The following PTPRA variants were observed in gnomAD, a reference collection of about 807,000 sequenced individuals.
PTPRA encodes the protein protein tyrosine phosphatase receptor type A.
Under a neutral mutation model 104.8 loss-of-function variants are expected in PTPRA, and 25 were observed. The observed-to-expected ratio is 0.24, with a 90% CI of 0.17 to 0.33. The LOEUF (loss-of-function observed/expected upper bound fraction) is 0.33, where lower values mean the gene tolerates loss of function less well. Among genes scored for constraint, PTPRA ranks in the 10% least tolerant of loss-of-function variants. The pLI is 1.00. For missense variants in PTPRA, 765 were observed against 1,015.3 expected, an observed-to-expected ratio of 0.75 and a Z score of 3.35; for synonymous variants, 323 against 368.9, an observed-to-expected ratio of 0.88 and a Z score of 1.43.
intron 12 of PTPRA, 92 bp downstream of exon 12, chr20:3,015,977 G>C: frequency 1.6e-6 from 2 of 1,240,816 alleles, no homozygotes; most frequent in Non-Finnish European, 2.3e-6. Flanking sequence ...GGATTAACCA[G>C]AATGCTGTAG....
intron 1 of PTPRA, among the ~76,000 whole-genome samples, chr20:2,876,682 A>G (rs982186642): frequency 2.0e-5 from 3 of 152,194 alleles, no homozygotes; most frequent in Admixed American, 6.5e-5. Context: ...TATCTGAACA[A>G]TATGCTTTTA....
At chr20:3,020,592 G>T (rs1440733358) in intron 13 of PTPRA, among the ~76,000 whole-genome samples, 1 of 152,178 alleles carries the variant, frequency 6.6e-6, no homozygotes, top group African/African-American at 2.4e-5. Context: ...TCCTTTTGTG[G>T]CTACCAAGTG....
intron 2 of PTPRA, among the ~76,000 whole-genome samples, chr20:2,936,323 GTCTTT>G (rs763911354): frequency 4.4e-4 from 67 of 151,938 alleles, no homozygotes; most frequent in Non-Finnish European, 8.1e-4. Flanking sequence ...ATATAGTTGG[GTCTTT>G]TCTTTTCTTT....
At chr20:2,933,234 T>G (rs1241230257) in intron 2 of PTPRA, among the ~76,000 whole-genome samples, 1 of 152,186 alleles carries the variant, frequency 6.6e-6, no homozygotes, top group Non-Finnish European at 1.5e-5. Flanking sequence ...TTGCTTTTCT[T>G]TGTTAGCAAA....
chr20:2,952,756 C>G (rs2061395784), intron 3 of PTPRA, among the ~76,000 whole-genome samples: 1 of 152,122 alleles, frequency 6.6e-6, no homozygotes, highest in East Asian at 1.9e-4. Context: ...AACCATCGTT[C>G]TGTTTTCCTT....
chr20:2,907,517 T>C (rs1304462442), intron 1 of PTPRA, among the ~76,000 whole-genome samples: 2 of 152,228 alleles, frequency 1.3e-5, no homozygotes, highest in African/African-American at 4.8e-5. Context: ...AAAACATGAA[T>C]AACCACCTTA....
intron 2 of PTPRA, among the ~76,000 whole-genome samples, chr20:2,937,147 C>T (rs1279488452): frequency 2.3e-5 from 3 of 130,408 alleles, no homozygotes; most frequent in Admixed American, 8.5e-5. Context: ...TTTTTTGAGA[C>T]GGAGTCTTGC....
the PTPRA span, among the ~76,000 whole-genome samples, chr20:2,867,489 AG>A: frequency 5.7e-5 from 6 of 105,318 alleles, no homozygotes; most frequent in Non-Finnish European, 3.6e-5. Context: ...TTGGCACTCC[AG>A]TGCACCCCCT....
chr20:2,900,438 A>G (rs2147098788), intron 1 of PTPRA, among the ~76,000 whole-genome samples: 1 of 152,318 alleles, frequency 6.6e-6, no homozygotes, highest in East Asian at 1.9e-4. Flanking sequence ...AGCCATTGTT[A>G]CATACAGGTA....
At chr20:2,986,316 A>T (rs2062908774) in intron 6 of PTPRA, among the ~76,000 whole-genome samples, 1 of 152,140 alleles carries the variant, frequency 6.6e-6, no homozygotes, top group South Asian at 2.1e-4. Flanking sequence ...TCTAGATGGA[A>T]CCCATTGAGG....
At chr20:2,870,890 A>C (rs115202001), upstream of PTPRA, among the ~76,000 whole-genome samples, 1 of 152,314 alleles carries the variant, frequency 6.6e-6, no homozygotes, top group Admixed American at 6.5e-5. Flanking sequence ...AGGCTTGGGC[A>C]CAGGAAACTG....
At chr20:2,960,697 C>A (rs891869342) in intron 3 of PTPRA, among the ~76,000 whole-genome samples, 4 of 152,004 alleles carry the variant, frequency 2.6e-5, no homozygotes, top group African/African-American at 9.7e-5. Context: ...CCACCATGCC[C>A]AGCTAAGTTT....
chr20:2,935,943 C>T (rs1447170724), intron 2 of PTPRA, among the ~76,000 whole-genome samples: 1 of 151,646 alleles, frequency 6.6e-6, no homozygotes, highest in African/African-American at 2.4e-5. Context: ...CACTTGAACC[C>T]GGGAGGCAGA....
At chr20:2,988,624 A>G in intron 9 of PTPRA, 150 bp downstream of exon 9, 1 of 1,172,854 alleles carries the variant, frequency 8.5e-7, no homozygotes, top group Non-Finnish European at 1.2e-6. Flanking sequence ...GACTCCCTGT[A>G]TGATCATGGA....
intron 1 of PTPRA, among the ~76,000 whole-genome samples, chr20:2,884,795 T>G (rs976568285): frequency 1.4e-4 from 17 of 118,868 alleles, no homozygotes; most frequent in African/African-American, 6.3e-4. Flanking sequence ...AACTCTCTGG[T>G]TTTTTTTGTT....
chr20:2,918,641 A>C (rs2147316159), intron 1 of PTPRA, among the ~76,000 whole-genome samples: 1 of 152,362 alleles, frequency 6.6e-6, no homozygotes, highest in Admixed American at 6.5e-5. Flanking sequence ...ATGATTGGAA[A>C]GCCTCACTGG....
At chr20:2,941,001 C>G (rs933794884) in intron 2 of PTPRA, among the ~76,000 whole-genome samples, 1 of 151,030 alleles carries the variant, frequency 6.6e-6, no homozygotes, top group African/African-American at 2.4e-5. Context: ...AAAACGTGTT[C>G]TTTTCTTCTG....
chr20:2,941,370 T>C (rs2060914712), intron 2 of PTPRA, among the ~76,000 whole-genome samples: 1 of 152,118 alleles, frequency 6.6e-6, no homozygotes, highest in Non-Finnish European at 1.5e-5. Flanking sequence ...TGGCATCTGT[T>C]AGGTAAATCA....
intron 1 of PTPRA, among the ~76,000 whole-genome samples, chr20:2,908,508 A>C (rs2059508158): frequency 6.6e-6 from 1 of 152,188 alleles, no homozygotes; most frequent in Non-Finnish European, 1.5e-5. Flanking sequence ...ACAGATACCA[A>C]GGGATGACCG....
Sources: gnomAD v4.1 joint callset for allele counts (sites outside exome capture counted in the v4.1 genomes callset) on GRCh38, gnomAD v4.1.1 for gene constraint, MANE v1.5 for transcripts, NCBI Gene and HGNC (gene_info 2026-07-23, HGNC 2026-07-21) for gene names.